FBXW7: variants seen among roughly 807,000 people sequenced by gnomAD.
The protein encoded by FBXW7 is F-box and WD repeat domain containing 7.
In FBXW7, 11 loss-of-function variants were observed where a neutral mutation model predicts 86.3. The observed-to-expected ratio is 0.13, with a 90% CI of 0.08 to 0.21. FBXW7 has a LOEUF of 0.21. Among genes scored for constraint, FBXW7 ranks in the 10% least tolerant of loss-of-function variants. The probability of loss-of-function intolerance (pLI) is 1.00; values close to 1 mark genes in which losing one functional copy is unlikely to be tolerated. For missense variants in FBXW7, 488 were observed against 847.4 expected, an observed-to-expected ratio of 0.58 and a Z score of 5.27; for synonymous variants, 313 against 297.9, an observed-to-expected ratio of 1.05 and a Z score of -0.52.
intron 2 of FBXW7, among the ~76,000 whole-genome samples, chr4:152,428,519 T>TTCA (rs752927181): frequency 8.5e-5 from 13 of 152,182 alleles, no homozygotes; most frequent in Admixed American, 3.9e-4. Context: ...GAAAGAGAGA[T>TTCA]TCAAGGGACT....
At chr4:152,457,675 A>G (rs1742556655) in intron 2 of FBXW7, among the ~76,000 whole-genome samples, 1 of 151,370 alleles carries the variant, frequency 6.6e-6, no homozygotes, top group South Asian at 2.1e-4. Context: ...AGAACTCAAT[A>G]AAACTGGATT....
chr4:152,503,509 A>T (rs892146228), intron 2 of FBXW7, among the ~76,000 whole-genome samples: 2 of 152,242 alleles, frequency 1.3e-5, no homozygotes, highest in Admixed American at 1.3e-4. Context: ...TGGCCTCAAG[A>T]GATCCACTTG....
At chr4:152,381,540 AG>A in intron 4 of FBXW7, among the ~76,000 whole-genome samples, 1 of 152,262 alleles carries the variant, frequency 6.6e-6, no homozygotes, top group Admixed American at 6.5e-5. Context: ...TCATGTTAAC[AG>A]GGTTAAAACT....
At chr4:152,362,524 C>T (rs545274624) in intron 4 of FBXW7, among the ~76,000 whole-genome samples, 13 of 152,068 alleles carry the variant, frequency 8.5e-5, no homozygotes, top group Admixed American at 3.9e-4. Flanking sequence ...TAAAAAAGAA[C>T]TTAGGGCCGG....
At chr4:152,496,458 G>A (rs917647576) in intron 2 of FBXW7, among the ~76,000 whole-genome samples, 2 of 152,002 alleles carry the variant, frequency 1.3e-5, no homozygotes, top group Non-Finnish European at 2.9e-5. Context: ...TCGAGAAGCT[G>A]AGGTGGGTAG....
Position 152,350,037 on chromosome 4 carries a change from AT to A in FBXW7, c.584+4del. 1 of 1,464,856 alleles carries A rather than the reference AT, an allele frequency of 6.8e-7. No homozygotes were observed. The highest frequency in any genetic ancestry group is 2.1e-4 in the Middle Eastern group (1 of 4,698). 90.7% of individuals were successfully genotyped at this position (1,464,856 alleles called of 1,614,324 possible). ...TCATGAGATAATCATTATATTTAAT[AT>A]TACCTTGTATATTCTGAGACTTTGC... is the stretch of plus-strand genomic sequence containing the variant. On this transcript the variant is annotated splice_donor_region_variant and intron_variant, in intron 5 of 13. Coordinates refer to ENST00000281708, the MANE Select transcript of FBXW7 (RefSeq NM_001349798.2).
At chr4:152,476,497 G>T (rs1419214586) in intron 2 of FBXW7, among the ~76,000 whole-genome samples, 1 of 152,152 alleles carries the variant, frequency 6.6e-6, no homozygotes, top group African/African-American at 2.4e-5. Context: ...CTGTAAAAGA[G>T]ATTGAAGAAT....
chr4:152,348,244 A>C (rs1194409610), intron 5 of FBXW7, among the ~76,000 whole-genome samples: 1 of 152,114 alleles, frequency 6.6e-6, no homozygotes, highest in Non-Finnish European at 1.5e-5. Context: ...ATCCTCTAAT[A>C]GTATAAATCG....
chr4:152,470,407 G>A (rs575073695), intron 2 of FBXW7, among the ~76,000 whole-genome samples: 3 of 152,070 alleles, frequency 2.0e-5, no homozygotes, highest in African/African-American at 7.2e-5. Context: ...CATCTTTTAA[G>A]TGGCACCTAG....
At chr4:152,534,137 A>G (rs550834105) in intron 2 of FBXW7, among the ~76,000 whole-genome samples, 1 of 152,284 alleles carries the variant, frequency 6.6e-6, no homozygotes, top group Admixed American at 6.5e-5. Flanking sequence ...AAATAATGGA[A>G]GGAAAAAATC....
At chr4:152,330,631 CAGAAG>C in intron 9 of FBXW7, 96 bp downstream of exon 9, 1 of 977,054 alleles carries the variant, frequency 1.0e-6, no homozygotes, top group Non-Finnish European at 1.4e-6. Flanking sequence ...TTTCTTTCTA[CAGAAG>C]AGGAGTGTCA....
At chr4:152,425,074 T>C (rs989222325) in intron 2 of FBXW7, among the ~76,000 whole-genome samples, 3 of 152,250 alleles carry the variant, frequency 2.0e-5, no homozygotes, top group African/African-American at 7.2e-5. Flanking sequence ...AATGACTAAA[T>C]TTTGAAGAGC....
At chr4:152,442,201 T>C (rs1429377995) in intron 2 of FBXW7, among the ~76,000 whole-genome samples, 1 of 152,202 alleles carries the variant, frequency 6.6e-6, no homozygotes, top group African/African-American at 2.4e-5. Flanking sequence ...TCCACACAGC[T>C]TCCTCAGGGT....
intron 4 of FBXW7, among the ~76,000 whole-genome samples, chr4:152,409,735 C>T (rs905194578): frequency 2.6e-5 from 4 of 151,002 alleles, no homozygotes; most frequent in African/African-American, 7.4e-5. Context: ...CACATCTATA[C>T]TGTACATGTG....
intron 4 of FBXW7, among the ~76,000 whole-genome samples, chr4:152,378,466 C>T (rs1357323487): frequency 6.6e-6 from 1 of 152,070 alleles, no homozygotes; most frequent in Non-Finnish European, 1.5e-5. Flanking sequence ...GCCTATGCTA[C>T]ACAAACTCAA....
chr4:152,355,614 T>A (rs1048209932), intron 4 of FBXW7, among the ~76,000 whole-genome samples: 2 of 152,160 alleles, frequency 1.3e-5, no homozygotes, highest in Admixed American at 6.5e-5. Context: ...CTATAAAAAA[T>A]TAATTCTTGT....
intron 4 of FBXW7, among the ~76,000 whole-genome samples, chr4:152,377,499 C>T (rs532666388): frequency 4.6e-5 from 7 of 151,940 alleles, no homozygotes; most frequent in African/African-American, 1.4e-4. Flanking sequence ...TGCCTGTAAT[C>T]CCAGCCCTCT....
At chr4:152,441,042 G>C (rs1000819775) in intron 2 of FBXW7, among the ~76,000 whole-genome samples, 1 of 151,530 alleles carries the variant, frequency 6.6e-6, no homozygotes, top group Non-Finnish European at 1.5e-5. Flanking sequence ...CATTGATCAA[G>C]AACAATTTCC....
intron 7 of FBXW7, among the ~76,000 whole-genome samples, chr4:152,334,033 G>A (rs930931031): frequency 4.0e-5 from 6 of 151,844 alleles, no homozygotes; most frequent in Non-Finnish European, 7.4e-5. Context: ...CAGCCCGGGC[G>A]ACAGACCAAG....
Sources: allele counts gnomAD v4.1 joint callset (sites outside exome capture counted in the v4.1 genomes callset), GRCh38; gene constraint gnomAD v4.1.1; transcripts MANE v1.5; gene names NCBI Gene and HGNC (gene_info 2026-07-23, HGNC 2026-07-21).